CHMP4C: variants seen among roughly 807,000 people sequenced by gnomAD.
The protein encoded by CHMP4C is SNF7 homolog associated with Alix 3.
Under a neutral mutation model 29.0 loss-of-function variants are expected in CHMP4C, and 28 were observed. That is an observed-to-expected ratio of 0.97 (90% confidence interval 0.72 to 1.32). The LOEUF (loss-of-function observed/expected upper bound fraction) is 1.32, where lower values mean the gene tolerates loss of function less well. Among genes scored for constraint, CHMP4C ranks in the 40% most tolerant of loss-of-function variants. CHMP4C has a pLI of 0.00. For synonymous variants in CHMP4C, 106 were observed against 102.4 expected (o/e 1.04, Z -0.21); for missense variants, 291 against 281.0 (o/e 1.04, Z -0.25).
intron 1 of CHMP4C, among the ~76,000 whole-genome samples, chr8:81,746,287 A>G (rs1039566419): frequency 2.6e-5 from 4 of 152,142 alleles, no homozygotes; most frequent in African/African-American, 4.8e-5. Flanking sequence ...AAAATTGGGG[A>G]ATTTTGCATG....
intron 1 of CHMP4C, among the ~76,000 whole-genome samples, chr8:81,734,409 C>A (rs374909733): frequency 6.6e-6 from 1 of 152,204 alleles, no homozygotes; most frequent in Non-Finnish European, 1.5e-5. Context: ...TGGCTCACCG[C>A]AACCTCTGCC....
intron 1 of CHMP4C, among the ~76,000 whole-genome samples, chr8:81,752,036 G>A (rs905894472): frequency 1.3e-5 from 2 of 152,042 alleles, no homozygotes; most frequent in African/African-American, 4.8e-5. Context: ...TATAATGGCT[G>A]AGTCTTTGTG....
At chr8:81,752,187 C>A (rs964125952) in intron 1 of CHMP4C, among the ~76,000 whole-genome samples, 5 of 152,164 alleles carry the variant, frequency 3.3e-5, no homozygotes, top group Admixed American at 2.0e-4. Flanking sequence ...AACCTTAAAA[C>A]CATTTGAGTT....
intron 1 of CHMP4C, among the ~76,000 whole-genome samples, chr8:81,747,528 T>G (rs77205010): frequency 1.3e-5 from 2 of 152,246 alleles, no homozygotes; most frequent in East Asian, 3.9e-4. Flanking sequence ...TGAATAGTAC[T>G]GTTTGTTGTA....
chr8:81,738,895 A>C (rs2130475630), intron 1 of CHMP4C, among the ~76,000 whole-genome samples: 1 of 152,326 alleles, frequency 6.6e-6, no homozygotes, highest in Admixed American at 6.5e-5. Context: ...GACTTTGAAC[A>C]AGTAACTCAA....
At chr8:81,737,075 G>C (rs1335919547) in intron 1 of CHMP4C, among the ~76,000 whole-genome samples, 2 of 152,216 alleles carry the variant, frequency 1.3e-5, no homozygotes, top group Admixed American at 1.3e-4. Flanking sequence ...GGAGGCCAGA[G>C]ATTCTTGAAT....
chr8:81,750,638 T>A (rs7820432), intron 1 of CHMP4C, among the ~76,000 whole-genome samples: 5,269 of 151,792 alleles, frequency 0.035, 302 homozygotes, highest in African/African-American at 0.12. Context: ...AGCCAAAGAA[T>A]ACAATGTTCA....
chr8:81,738,211 T>C (rs1174857440), intron 1 of CHMP4C, among the ~76,000 whole-genome samples: 4 of 152,152 alleles, frequency 2.6e-5, no homozygotes, highest in Non-Finnish European at 4.4e-5. Context: ...AATGAGTGGA[T>C]CTAGTCTGGG....
chr8:81,733,841 C>G (rs979981302), intron 1 of CHMP4C, among the ~76,000 whole-genome samples: 4 of 152,142 alleles, frequency 2.6e-5, no homozygotes, highest in Non-Finnish European at 5.9e-5. Context: ...AACATTTGCA[C>G]CCTCAAGTTG....
chr8:81,735,774 T>A (rs1808680621), intron 1 of CHMP4C, among the ~76,000 whole-genome samples: 1 of 152,118 alleles, frequency 6.6e-6, no homozygotes, highest in South Asian at 2.1e-4. Context: ...AATGAAAAAC[T>A]TTTAATTAGC....
At chr8:81,757,429 A>C (rs776513287) in intron 3 of CHMP4C, among the ~76,000 whole-genome samples, 4 of 152,190 alleles carry the variant, frequency 2.6e-5, no homozygotes, top group Non-Finnish European at 5.9e-5. Context: ...ACTCTACTTC[A>C]GGACTTATGG....
Position 81,755,417 on chromosome 8 carries a change from A to G in CHMP4C, c.416A>G (p.Gln139Arg). ...TTGATGCAAGAGATCACAGAGCAAC[A>G]GGATATCGCCCAAGAAATCTCAGAA... ...DDLMQEITEQ[Q>R]DIAQEISEAF... The change falls in exon 3 of 5, where the codon CAG becomes CGG. Residue 139 changes from glutamine (Q) to arginine (R), a missense_variant. Coordinates refer to ENST00000297265, the MANE Select transcript of CHMP4C (RefSeq NM_152284.4). 1.9e-6 allele frequency: 3 copies of G among 1,612,400 alleles called. No homozygotes were observed. Among genetic ancestry groups the G allele is most frequent in the East Asian group, 2.2e-5 (1 of 44,824 alleles).
In CHMP4C at chr8:81,758,734, G is replaced by C; in HGVS notation, c.*190G>C. ...ACATAGAATCAGTGATGGAGGCCAG[G>C]CACGGTATCTCATGCCTATAATCCC... On this transcript the variant is annotated 3_prime_UTR_variant, in exon 5 of 5. Coordinates refer to ENST00000297265, the MANE Select transcript of CHMP4C (RefSeq NM_152284.4). 3.5e-6 allele frequency: 2 copies of C among 568,750 alleles called. No individual in the cohort carries two copies. Among genetic ancestry groups the C allele is most frequent in the South Asian group, 4.6e-5 (2 of 43,350 alleles). 35.2% of individuals were successfully genotyped at this position (568,750 alleles called of 1,614,324 possible).
intron 1 of CHMP4C, among the ~76,000 whole-genome samples, chr8:81,746,866 AC>A (rs1258734760): frequency 2.0e-5 from 3 of 152,258 alleles, no homozygotes; most frequent in Non-Finnish European, 4.4e-5. Context: ...GGTTCTGACA[AC>A]CTACAAAGGA....
At chr8:81,736,832 G>A (rs1279037710) in intron 1 of CHMP4C, among the ~76,000 whole-genome samples, 1 of 152,158 alleles carries the variant, frequency 6.6e-6, no homozygotes, top group Admixed American at 6.5e-5. Flanking sequence ...GTTTAATAAT[G>A]TATATGCAGA....
intron 1 of CHMP4C, among the ~76,000 whole-genome samples, chr8:81,751,488 T>TA (rs1243616224): frequency 6.6e-6 from 1 of 152,128 alleles, no homozygotes; most frequent in African/African-American, 2.4e-5. Context: ...AAATTATAGA[T>TA]ACTGATTAAT....
chr8:81,742,406 A>G lies in CHMP4C; in HGVS notation c.190+9590A>G, dbSNP rs1333264266. Among the ~76,000 whole-genome samples the G allele has an allele frequency of 2.0e-5, 3 of 152,230 alleles. No homozygotes were observed. The East Asian group carries it at 5.8e-4, about 29-fold the overall frequency. The stretch of plus-strand genomic sequence containing the variant: ...ATTAAGAGTTAAATTCTTGATTTAA[A>G]AATTAAAATTCAATGTCAGCTATCT... On this transcript the variant is annotated intron_variant, in intron 1 of 4. Transcript: ENST00000297265.
chr8:81,739,200 G>T (rs1808730150), intron 1 of CHMP4C, among the ~76,000 whole-genome samples: 1 of 147,810 alleles, frequency 6.8e-6, no homozygotes. Context: ...GGGTTCAAGT[G>T]ATTCTCCTGC....
chr8:81,755,810 T>C (rs1475828188), intron 3 of CHMP4C, among the ~76,000 whole-genome samples: 1 of 152,178 alleles, frequency 6.6e-6, no homozygotes, highest in Non-Finnish European at 1.5e-5. Context: ...CAAAACAAAG[T>C]AGACTTCGTC....
Sources: allele counts gnomAD v4.1 joint callset (sites outside exome capture counted in the v4.1 genomes callset), GRCh38; gene constraint gnomAD v4.1.1; transcripts MANE v1.5; gene names NCBI Gene and HGNC (gene_info 2026-07-23, HGNC 2026-07-21).